The following EXOC4 variants were observed in gnomAD, a reference collection of about 807,000 sequenced individuals.
EXOC4 encodes SEC8-like 1.
EXOC4 carries 71 observed loss-of-function variants against 107.2 expected under a neutral mutation model. The observed-to-expected ratio is 0.66, with a 90% CI of 0.55 to 0.81. EXOC4 has a LOEUF of 0.81. EXOC4 is among the 30% of genes least tolerant of loss of function. The pLI is 0.00. For missense variants in EXOC4, 1,108 were observed against 1,189.6 expected, an observed-to-expected ratio of 0.93 and a Z score of 1.01; for synonymous variants, 456 against 441.2, an observed-to-expected ratio of 1.03 and a Z score of -0.42.
chr7:134,072,391 G>A, the EXOC4 span, among the ~76,000 whole-genome samples: 1 of 152,220 alleles, frequency 6.6e-6, no homozygotes, highest in Admixed American at 6.5e-5. Context: ...GTTTGTGGTG[G>A]TGGTGGTGAT....
chr7:133,670,822 A>G (rs1173945110), intron 10 of EXOC4, among the ~76,000 whole-genome samples: 1 of 152,220 alleles, frequency 6.6e-6, no homozygotes, highest in Non-Finnish European at 1.5e-5. Context: ...CCTGTTATGT[A>G]TCAAGTAATG....
intron 10 of EXOC4, among the ~76,000 whole-genome samples, chr7:133,717,856 C>T (rs1562922320): frequency 6.6e-6 from 1 of 152,156 alleles, no homozygotes; most frequent in Non-Finnish European, 1.5e-5. Context: ...TGGTGTATAT[C>T]TCAAAGCCTT....
intron 10 of EXOC4, among the ~76,000 whole-genome samples, chr7:133,669,004 ATTTTTTTTT>A (rs58354607): frequency 1.7e-5 from 2 of 118,450 alleles, no homozygotes; most frequent in East Asian, 2.7e-4. Flanking sequence ...TGTTCTCCCA[ATTTTTTTTT>A]TTTTTTTTTG....
chr7:133,760,340 T>C (rs1466685945), intron 10 of EXOC4, among the ~76,000 whole-genome samples: 1 of 152,202 alleles, frequency 6.6e-6, no homozygotes, highest in African/African-American at 2.4e-5. Flanking sequence ...TTTTCCAAAA[T>C]ATTGTCTTGG....
chr7:133,825,492 C>A (rs1292285664), intron 11 of EXOC4, among the ~76,000 whole-genome samples: 1 of 152,166 alleles, frequency 6.6e-6, no homozygotes, highest in African/African-American at 2.4e-5. Context: ...GGAGCTCTTA[C>A]TGAAAGTTGG....
In EXOC4 at chr7:133,254,971, A is replaced by T. The variant is rs138508653; in HGVS notation, c.86+1784A>T. ...ACCTAAAGCTTTTTTTACTAATGCTAATTCAGAACATACATTGCCTTTGCT... is the reference window on the plus strand; with the variant it reads ...ACCTAAAGCTTTTTTTACTAATGCTTATTCAGAACATACATTGCCTTTGCT... On this transcript the variant is annotated intron_variant, in intron 1 of 17. Transcript: ENST00000253861. Among the ~76,000 whole-genome samples the T allele has an allele frequency of 7.1e-3, 1,079 of 152,224 alleles. 14 individuals are homozygous for T. Among genetic ancestry groups the T allele is most frequent in the African/African-American group, 0.025 (1,026 of 41,520 alleles).
At position 133,464,811 on chromosome 7, in the gene EXOC4, G is replaced by GTTTTTTTTTTT. The variant is rs3046149; in HGVS notation, c.1183-10502_1183-10492dup. ...TTTTTTTTTTTTGTTGGTTGGGTTG[G>GTTTTTTTTTTT]TTTTTTTTTTTTTTTTTTTTTTTTT... On this transcript the variant is annotated intron_variant, in intron 7 of 17. Coordinates refer to ENST00000253861, the MANE Select transcript of EXOC4 (RefSeq NM_021807.4). Among the ~76,000 whole-genome samples the GTTTTTTTTTTT allele has an allele frequency of 8.4e-4, 43 of 51,294 alleles. 4 individuals carry two copies. Among genetic ancestry groups the GTTTTTTTTTTT allele is most frequent in the African/African-American group, 1.7e-3 (20 of 12,034 alleles). 33.7% of individuals were successfully genotyped at this position (51,294 alleles called of 152,430 possible).
chr7:134,058,633 T>C (rs1334034203), intron 17 of EXOC4, among the ~76,000 whole-genome samples: 1 of 151,082 alleles, frequency 6.6e-6, no homozygotes. Flanking sequence ...ACAAACGAAT[T>C]TGAATCACCA....
chr7:133,907,012 C>T (rs1025984165), intron 12 of EXOC4, among the ~76,000 whole-genome samples: 1 of 152,188 alleles, frequency 6.6e-6, no homozygotes, highest in Admixed American at 6.5e-5. Context: ...TTGCCACCAT[C>T]TTGGAAGCGG....
chr7:133,277,111 G>A (rs768128544), intron 2 of EXOC4, among the ~76,000 whole-genome samples: 6 of 152,116 alleles, frequency 3.9e-5, no homozygotes, highest in East Asian at 3.9e-4. Context: ...ACAGGCATGC[G>A]CCACCACGCC....
chr7:133,325,069 T>C (rs1285647540), intron 5 of EXOC4, among the ~76,000 whole-genome samples: 2 of 152,160 alleles, frequency 1.3e-5, no homozygotes, highest in African/African-American at 4.8e-5. Flanking sequence ...CTTGGTAGAT[T>C]TTCCTCCATC....
intron 4 of EXOC4, among the ~76,000 whole-genome samples, chr7:133,306,934 A>G (rs974066302): frequency 1.3e-5 from 2 of 152,152 alleles, no homozygotes; most frequent in Admixed American, 1.3e-4. Flanking sequence ...ATAAGACTAG[A>G]TCTTAAGATG....
intron 10 of EXOC4, among the ~76,000 whole-genome samples, chr7:133,748,615 A>G (rs1209339358): frequency 4.6e-5 from 7 of 152,198 alleles, no homozygotes; most frequent in Non-Finnish European, 1.0e-4. Context: ...AACAAGGGGA[A>G]AAAGCACAGG....
chr7:133,580,623 T>C (rs968180582), intron 9 of EXOC4, among the ~76,000 whole-genome samples: 1 of 152,214 alleles, frequency 6.6e-6, no homozygotes, highest in African/African-American at 2.4e-5. Flanking sequence ...TCCCTTTGAC[T>C]CTTAAAACAT....
intron 17 of EXOC4, among the ~76,000 whole-genome samples, chr7:134,029,466 T>A (rs919848087): frequency 6.6e-6 from 1 of 152,020 alleles, no homozygotes; most frequent in Non-Finnish European, 1.5e-5. Context: ...CTAAAGGATA[T>A]AGGGTTTCTT....
At chr7:133,428,923 C>T (rs1797788274) in intron 7 of EXOC4, among the ~76,000 whole-genome samples, 1 of 152,012 alleles carries the variant, frequency 6.6e-6, no homozygotes, top group African/African-American at 2.4e-5. Flanking sequence ...CAGAAGTTAC[C>T]TTATGAATGT....
intron 10 of EXOC4, among the ~76,000 whole-genome samples, chr7:133,812,728 A>G (rs764907928): frequency 6.6e-6 from 1 of 152,158 alleles, no homozygotes; most frequent in Non-Finnish European, 1.5e-5. Context: ...ATTACTTCAC[A>G]TATTTATTTT....
At chr7:133,877,066 G>A (rs533637064) in intron 11 of EXOC4, among the ~76,000 whole-genome samples, 4 of 150,608 alleles carry the variant, frequency 2.7e-5, no homozygotes, top group Non-Finnish European at 5.9e-5. Context: ...ATATTGTTTC[G>A]CAGTTCGCTG....
chr7:134,007,714 G>T lies in EXOC4; in HGVS notation c.2566G>T (p.Ala856Ser). Reference sequence around the variant, plus strand: ...GATCTCCTGCATCCTCATTAATGGTGCCCAGTACTTCAGGCGCATCAGTGA... The same window carrying T: ...GATCTCCTGCATCCTCATTAATGGTTCCCAGTACTTCAGGCGCATCAGTGA... ...HLISCILINGAQYFRRISESG... is the reference protein window; with the variant it reads ...HLISCILINGSQYFRRISESG... Residue 856 changes from alanine (A) to serine (S), a missense_variant, in exon 17 of 18, where the codon GCC becomes TCC. By Grantham distance (99) the Ala-to-Ser change is moderately conservative. Transcript: ENST00000253861. The T allele has an allele frequency of 6.2e-7, 1 of 1,613,530 alleles. No individual in the cohort carries two copies. The highest frequency in any genetic ancestry group is 8.5e-7 in the Non-Finnish European group (1 of 1,179,712).
Sources: allele counts gnomAD v4.1 joint callset (sites outside exome capture counted in the v4.1 genomes callset), GRCh38; gene constraint gnomAD v4.1.1; transcripts MANE v1.5; gene names NCBI Gene and HGNC (gene_info 2026-07-23, HGNC 2026-07-21).